Variants in CDC73 observed in about 807,000 individuals in gnomAD.
CDC73 encodes the protein parafibromin.
A neutral mutation model predicts 83.7 loss-of-function variants in CDC73; 21 were observed. The ratio of observed to expected loss-of-function variants is 0.25; its 90% confidence interval spans 0.18 to 0.36. CDC73 has a LOEUF of 0.36. CDC73 is among the 10% of genes least tolerant of loss of function. The probability of loss-of-function intolerance (pLI) is 1.00; values close to 1 mark genes in which losing one functional copy is unlikely to be tolerated. For missense variants in CDC73, 342 were observed against 653.3 expected (o/e 0.52, Z 5.19); for synonymous variants, 224 against 212.9 (o/e 1.05, Z -0.45).
chr1:193,220,161 T>C (rs1450535258), intron 13 of CDC73, among the ~76,000 whole-genome samples: 4 of 136,486 alleles, frequency 2.9e-5, no homozygotes, highest in Admixed American at 1.4e-4. Flanking sequence ...TGATAACTTT[T>C]TTTTTTTTTT....
rs557675611 is a variant in CDC73, at chr1:193,251,356, C to G, written c.*644C>G. ...TCACTGACTTTGGTGATTTTGAAACCTAGAATGATGTGTTTCTATCTGTAA... is the reference window on the plus strand; with the variant it reads ...TCACTGACTTTGGTGATTTTGAAACGTAGAATGATGTGTTTCTATCTGTAA... On this transcript the variant is annotated 3_prime_UTR_variant, in exon 17 of 17. Coordinates refer to ENST00000367435, the MANE Select transcript of CDC73 (RefSeq NM_024529.5). 2 of 231,792 alleles carry G rather than the reference C, an allele frequency of 8.6e-6. No homozygotes were observed. The highest frequency in any genetic ancestry group is 4.4e-5 in the African/African-American group (2 of 45,280). The allele number at this position is 231,792 out of a possible 1,614,324, so 14.4% of individuals were successfully genotyped here. A position where few individuals can be genotyped will look rare whatever the true frequency, so the allele number is the denominator to read the frequency against.
At chr1:193,249,514 C>T (rs528576326) in intron 15 of CDC73, among the ~76,000 whole-genome samples, 20 of 152,074 alleles carry the variant, frequency 1.3e-4, no homozygotes, top group African/African-American at 4.3e-4. Context: ...TATAGTCTTT[C>T]TTACTGTCCT....
At chr1:193,136,919 T>A (rs1675811682) in intron 5 of CDC73, among the ~76,000 whole-genome samples, 1 of 152,204 alleles carries the variant, frequency 6.6e-6, no homozygotes, top group South Asian at 2.1e-4. Context: ...AAATTCAACA[T>A]GGCAGAAGTC....
intron 10 of CDC73, among the ~76,000 whole-genome samples, chr1:193,169,587 C>G (rs1462029010): frequency 3.3e-5 from 5 of 152,100 alleles, no homozygotes; most frequent in South Asian, 2.1e-4. Flanking sequence ...GAGGCAGTTG[C>G]ATAATGGCTG....
intron 10 of CDC73, among the ~76,000 whole-genome samples, chr1:193,188,805 A>AC (rs201709731): frequency 0.023 from 3,516 of 150,816 alleles, 60 homozygotes; most frequent in Non-Finnish European, 0.037. Flanking sequence ...TTCCAGTGGG[A>AC]CCCCCCCGCC....
chr1:193,131,775 G>A (rs920295858), intron 3 of CDC73, among the ~76,000 whole-genome samples: 5 of 152,122 alleles, frequency 3.3e-5, no homozygotes, highest in African/African-American at 1.2e-4. Context: ...ATTTAGATCT[G>A]TGCTCAAGTG....
intron 10 of CDC73, among the ~76,000 whole-genome samples, chr1:193,177,493 GCACTCC>G (rs1206861408): frequency 2.7e-5 from 4 of 148,040 alleles, no homozygotes; most frequent in Admixed American, 1.4e-4. Flanking sequence ...TCGGGCCACT[GCACTCC>G]AGCCTGGGCG....
chr1:193,220,421 T>A (rs1677447937), intron 13 of CDC73, among the ~76,000 whole-genome samples: 1 of 151,992 alleles, frequency 6.6e-6, no homozygotes, highest in South Asian at 2.1e-4. Context: ...CTGCTGAGAT[T>A]ACAGACATGA....
chr1:193,207,046 CTAAG>C (rs1175960547), intron 11 of CDC73, among the ~76,000 whole-genome samples: 2 of 152,008 alleles, frequency 1.3e-5, no homozygotes, highest in African/African-American at 4.8e-5. Context: ...TTTATTTTCC[CTAAG>C]TGTCAGCCTG....
rs531337409 is a variant in CDC73, at chr1:193,220,029, A to G, written c.1154+7552A>G. ...TTATATTTTGTAATCTGAATGCTCTAATGTTGAAAATTTCCTGTTAAAAAT... is the reference window on the plus strand; with the variant it reads ...TTATATTTTGTAATCTGAATGCTCTGATGTTGAAAATTTCCTGTTAAAAAT... On this transcript the variant is annotated intron_variant, in intron 13 of 16. Coordinates refer to ENST00000367435, the MANE Select transcript of CDC73 (RefSeq NM_024529.5). Among the ~76,000 whole-genome samples the G allele has an allele frequency of 2.0e-5, 3 of 152,284 alleles. No homozygotes were observed. The South Asian group carries it at 6.2e-4, about 32-fold the overall frequency.
intron 10 of CDC73, among the ~76,000 whole-genome samples, chr1:193,162,305 A>T (rs1185580722): frequency 2.3e-5 from 3 of 128,494 alleles, no homozygotes; most frequent in Non-Finnish European, 4.7e-5. Context: ...TATATATACT[A>T]TATATTATAT....
intron 11 of CDC73, among the ~76,000 whole-genome samples, chr1:193,204,963 C>A (rs1677161450): frequency 6.6e-6 from 1 of 151,998 alleles, no homozygotes; most frequent in African/African-American, 2.4e-5. Flanking sequence ...TGTTGAACAC[C>A]TAAAATTCTG....
chr1:193,195,203 A>G (rs879759661), intron 10 of CDC73, among the ~76,000 whole-genome samples: 11 of 152,100 alleles, frequency 7.2e-5, no homozygotes, highest in East Asian at 1.9e-4. Context: ...GCTTTACTCA[A>G]TCTTCCTATT....
intron 10 of CDC73, chr1:193,181,458 A>T (rs1199000467): frequency 6.2e-7 from 1 of 1,614,096 alleles, no homozygotes; most frequent in South Asian, 1.1e-5. Context: ...TAGCAAAAAG[A>T]AACACTAGAG....
At chr1:193,203,695 G>T in intron 10 of CDC73, 100 bp from the exon 11 acceptor site, 1 of 983,898 alleles carries the variant, frequency 1.0e-6, no homozygotes, top group Non-Finnish European at 1.6e-6. Context: ...GAGAAAAACA[G>T]AACAAGAGAC....
At chr1:193,147,404 A>C (rs377261091) in intron 7 of CDC73, among the ~76,000 whole-genome samples, 2 of 123,446 alleles carry the variant, frequency 1.6e-5, no homozygotes, top group East Asian at 2.4e-4. Flanking sequence ...GTCTCGTTCT[A>C]TTGCCCAGGC....
At chr1:193,139,159 A>G (rs539977795) in intron 6 of CDC73, among the ~76,000 whole-genome samples, 2 of 152,010 alleles carry the variant, frequency 1.3e-5, no homozygotes, top group African/African-American at 4.8e-5. Context: ...TTCTTTCTTG[A>G]GTCCTTTTTG....
chr1:193,234,800 A>G (rs1008353345), intron 14 of CDC73, among the ~76,000 whole-genome samples: 1 of 152,218 alleles, frequency 6.6e-6, no homozygotes, highest in Non-Finnish European at 1.5e-5. Flanking sequence ...ATTATTTAAT[A>G]GTGTGCTGCA....
intron 7 of CDC73, among the ~76,000 whole-genome samples, chr1:193,146,645 G>T (rs72731072): frequency 2.0e-5 from 3 of 152,086 alleles, no homozygotes; most frequent in African/African-American, 7.2e-5. Context: ...CCTCCTAAAG[G>T]CTCCACCTCC....
Sources: gnomAD v4.1 joint callset for allele counts (sites outside exome capture counted in the v4.1 genomes callset) on GRCh38, gnomAD v4.1.1 for gene constraint, MANE v1.5 for transcripts, NCBI Gene and HGNC (gene_info 2026-07-23, HGNC 2026-07-21) for gene names.